ERC1: variants seen among roughly 807,000 people sequenced by gnomAD.
The protein encoded by ERC1 is ELKS/RAB6-interacting/CAST family member 1.
A neutral mutation model predicts 132.0 loss-of-function variants in ERC1; 56 were observed. That is an observed-to-expected ratio of 0.42 (90% confidence interval 0.34 to 0.53). ERC1 has a LOEUF of 0.53. ERC1 is among the 20% of genes least tolerant of loss of function. The pLI, the probability that ERC1 is intolerant of heterozygous loss-of-function variation, is 0.03. For synonymous variants in ERC1, 478 were observed against 476.1 expected, an observed-to-expected ratio of 1.00 and a Z score of -0.05; for missense variants, 1,202 against 1,349.9, an observed-to-expected ratio of 0.89 and a Z score of 1.72.
chr12:1,438,786 T>A (rs900306970), intron 17 of ERC1, among the ~76,000 whole-genome samples: 7 of 151,742 alleles, frequency 4.6e-5, no homozygotes, highest in Admixed American at 1.3e-4. Flanking sequence ...TACAATAAAT[T>A]TAAAAAATTA....
At chr12:1,476,588 G>A (rs77978753) in intron 18 of ERC1, among the ~76,000 whole-genome samples, 2,700 of 152,294 alleles carry the variant, frequency 0.018, 91 homozygotes, top group African/African-American at 0.061. Context: ...TGAAAACAGT[G>A]CTGTCATACT....
chr12:1,250,191 G>T (rs567117401), intron 13 of ERC1, among the ~76,000 whole-genome samples: 2 of 152,128 alleles, frequency 1.3e-5, no homozygotes, highest in African/African-American at 2.4e-5. Context: ...AATATAACAC[G>T]TTGTTTTCCT....
chr12:1,327,297 A>C (rs764884357), intron 15 of ERC1, among the ~76,000 whole-genome samples: 29 of 152,158 alleles, frequency 1.9e-4, no homozygotes, highest in Non-Finnish European at 4.0e-4. Context: ...TTATATCTTT[A>C]TGTTCTAACA....
intron 7 of ERC1, among the ~76,000 whole-genome samples, chr12:1,123,477 TAAAC>T (rs893196051): frequency 1.3e-5 from 2 of 152,012 alleles, no homozygotes; most frequent in Admixed American, 1.3e-4. Context: ...CAACAAGAGT[TAAAC>T]AGACAAAAAG....
chr12:1,259,709 G>A (rs1446819172), intron 13 of ERC1, among the ~76,000 whole-genome samples: 3 of 151,870 alleles, frequency 2.0e-5, no homozygotes, highest in African/African-American at 7.3e-5. Flanking sequence ...ATTTTCAGTA[G>A]AGACGGGGTT....
Position 1,294,347 on chromosome 12 carries a change from C to T in ERC1, c.2780+4335C>T, listed in dbSNP as rs116385976. 5.4e-3 allele frequency among the ~76,000 whole-genome samples: 816 copies of T among 152,194 alleles called. 8 individuals carry two copies. The highest frequency in any genetic ancestry group is 0.019 in the African/African-American group (771 of 41,524). Reference sequence around the variant, plus strand: ...GAAGAAACCATGTTTAAAAAAAAATCCATGCTTTTTAATCATTTTCTTATG... The same window carrying T: ...GAAGAAACCATGTTTAAAAAAAAATTCATGCTTTTTAATCATTTTCTTATG... On this transcript the variant is annotated intron_variant, in intron 15 of 18. Coordinates refer to ENST00000360905, the MANE Select transcript of ERC1 (RefSeq NM_178040.4).
chr12:997,335 G>A (rs970836656), intron 1 of ERC1, among the ~76,000 whole-genome samples: 1 of 152,222 alleles, frequency 6.6e-6, no homozygotes, highest in Non-Finnish European at 1.5e-5. Context: ...TGTCGTCTTT[G>A]TGGAAAGTAC....
At chr12:1,022,522 G>T (rs1324918238) in intron 1 of ERC1, among the ~76,000 whole-genome samples, 1 of 152,154 alleles carries the variant, frequency 6.6e-6, no homozygotes, top group African/African-American at 2.4e-5. Context: ...ACTGGGGACT[G>T]TTACCGTTTG....
chr12:1,316,696 C>T (rs1231246268), intron 15 of ERC1, among the ~76,000 whole-genome samples: 2 of 152,090 alleles, frequency 1.3e-5, no homozygotes, highest in Admixed American at 1.3e-4. Flanking sequence ...GGATCTAGAA[C>T]CAGAAATACC....
chr12:1,477,081 C>T (rs2093988678), intron 18 of ERC1, among the ~76,000 whole-genome samples: 1 of 152,016 alleles, frequency 6.6e-6, no homozygotes. Flanking sequence ...GTCTGAAACT[C>T]AGTAGAAAAA....
chr12:1,413,789 T>A (rs1235253470), intron 17 of ERC1, among the ~76,000 whole-genome samples: 1 of 152,152 alleles, frequency 6.6e-6, no homozygotes, highest in African/African-American at 2.4e-5. Flanking sequence ...TTGCACTGGG[T>A]CCAATAGCCA....
chr12:1,155,403 G>GAA (rs200196123), intron 8 of ERC1, among the ~76,000 whole-genome samples: 5 of 148,448 alleles, frequency 3.4e-5, no homozygotes, highest in African/African-American at 1.2e-4. Flanking sequence ...AAGTCATTCT[G>GAA]AAAAAAAAGA....
chr12:1,227,414 T>C (rs1453678108), intron 12 of ERC1, among the ~76,000 whole-genome samples: 2 of 152,234 alleles, frequency 1.3e-5, no homozygotes, highest in Non-Finnish European at 2.9e-5. Context: ...TCCTTTGGCC[T>C]GTTGAGCATT....
chr12:996,627 T>C (rs138350177), intron 1 of ERC1, among the ~76,000 whole-genome samples: 6 of 152,094 alleles, frequency 3.9e-5, no homozygotes, highest in African/African-American at 1.4e-4. Context: ...CAGAACAAAA[T>C]AGGCAACCTG....
Position 1,027,749 on chromosome 12 carries a change from T to TA in ERC1, c.-154dup. ...TAATGTGTGATCTTTTCATTACAGA[T>TA]ATGGTGTAAGATACTTCTTCAAGAT... is the stretch of plus-strand genomic sequence containing the variant. On this transcript the variant is annotated splice_region_variant and 5_prime_UTR_variant, in exon 2 of 19. The change creates a new upstream start codon in the 5' untranslated region. Coordinates refer to ENST00000360905, the MANE Select transcript of ERC1 (RefSeq NM_178040.4). The TA allele has an allele frequency of 1.6e-6, 1 of 623,882 alleles. No individual in the cohort carries two copies. The highest frequency in any genetic ancestry group is 2.1e-5 in the South Asian group (1 of 48,418). 38.6% of individuals were successfully genotyped at this position (623,882 alleles called of 1,614,324 possible).
rs377704599 is a variant in ERC1, at chr12:1,083,347, C to A, written c.853C>A (p.Arg285=). The A allele has an allele frequency of 2.5e-6, 4 of 1,613,910 alleles. No homozygotes were observed. In the African/African-American group the frequency reaches 5.3e-5, roughly 22 times the overall value. ...GCAGGCCAAAGAGCTGTTTCTTCTTCGAAAGACATTGGAGGAAATGGAGCT... is the reference window on the plus strand; with the variant it reads ...GCAGGCCAAAGAGCTGTTTCTTCTTAGAAAGACATTGGAGGAAATGGAGCT... ...ERQAKELFLL[R]KTLEEMELRI... Residue 285 remains arginine, a synonymous_variant, in exon 3 of 19, where the codon CGA becomes AGA. Transcript: ENST00000360905.
intron 8 of ERC1, among the ~76,000 whole-genome samples, chr12:1,143,329 CGTGTGTGTGTGTGTGTGTGT>C (rs4017792): frequency 0.046 from 5,991 of 128,968 alleles, 412 homozygotes; most frequent in African/African-American, 0.15. Context: ...GCTTTTGACT[CGTGTGTGTGTGTGTGTGTGT>C]GTGTGTGTGT....
At chr12:1,095,090 A>G (rs1186069323) in intron 3 of ERC1, among the ~76,000 whole-genome samples, 1 of 152,170 alleles carries the variant, frequency 6.6e-6, no homozygotes, top group African/African-American at 2.4e-5. Context: ...TGCAAGTAAA[A>G]GTTGACTTAC....
At chr12:1,456,736 T>C (rs555947307) in intron 18 of ERC1, among the ~76,000 whole-genome samples, 95 of 152,070 alleles carry the variant, frequency 6.2e-4, no homozygotes, top group African/African-American at 2.2e-3. Context: ...AGCTCGGATC[T>C]GAGTCTCACA....
Sources: allele counts gnomAD v4.1 joint callset (sites outside exome capture counted in the v4.1 genomes callset), GRCh38; gene constraint gnomAD v4.1.1; transcripts MANE v1.5; gene names NCBI Gene and HGNC (gene_info 2026-07-23, HGNC 2026-07-21).